KIFAP3: variants seen among roughly 807,000 people sequenced by gnomAD.
The protein encoded by KIFAP3 is kinesin associated protein 3, also known as kinesin-associated protein 3.
KIFAP3 carries 68 observed loss-of-function variants against 106.5 expected under a neutral mutation model. The ratio of observed to expected loss-of-function variants is 0.64; its 90% CI spans 0.53 to 0.78. The LOEUF (loss-of-function observed/expected upper bound fraction) is 0.78, where lower values mean the gene tolerates loss of function less well. Among genes scored for constraint, KIFAP3 ranks in the 30% least tolerant of loss-of-function variants. The probability of loss-of-function intolerance (pLI) is 0.00; values close to 1 mark genes in which losing one functional copy is unlikely to be tolerated. For synonymous variants in KIFAP3, 320 were observed against 311.5 expected (o/e 1.03, Z -0.29); for missense variants, 780 against 941.8 (o/e 0.83, Z 2.25).
chr1:169,980,323 A>G (rs1398394137), intron 15 of KIFAP3, among the ~76,000 whole-genome samples: 1 of 152,182 alleles, frequency 6.6e-6, no homozygotes, highest in African/African-American at 2.4e-5. Flanking sequence ...AACTGAGATG[A>G]GAGTATCTTC....
rs1443314303 is a variant in KIFAP3, at chr1:170,000,623, CAT to C, written c.1184-8370_1184-8369del. ...AAGCTATATCAGAACATCTTTGATA[CAT>C]GTTTCCATATAATTTTATGCTTAAC... On this transcript the variant is annotated intron_variant, in intron 10 of 19. Transcript: ENST00000361580. Among the ~76,000 whole-genome samples the C allele has an allele frequency of 2.6e-5, 4 of 152,200 alleles. No individual in the cohort carries two copies. In the East Asian group the frequency reaches 5.8e-4, roughly 22 times the overall value.
intron 1 of KIFAP3, among the ~76,000 whole-genome samples, chr1:170,055,941 A>G (rs1173615442): frequency 6.6e-6 from 1 of 152,080 alleles, no homozygotes; most frequent in Non-Finnish European, 1.5e-5. Flanking sequence ...AGACCAGCCC[A>G]GGTAACATAG....
chr1:170,047,899 G>C (rs1670344873), intron 2 of KIFAP3, among the ~76,000 whole-genome samples: 3 of 152,158 alleles, frequency 2.0e-5, no homozygotes, highest in Admixed American at 2.0e-4. Flanking sequence ...AGTCAACCTA[G>C]TGTCAAAAGA....
At chr1:169,956,317 A>G (rs969609158) in intron 18 of KIFAP3, among the ~76,000 whole-genome samples, 1 of 152,188 alleles carries the variant, frequency 6.6e-6, no homozygotes, top group Non-Finnish European at 1.5e-5. Flanking sequence ...ATAAAATATG[A>G]CATAGTGAAG....
chr1:170,015,971 T>C (rs770081989), intron 10 of KIFAP3, among the ~76,000 whole-genome samples: 26 of 152,092 alleles, frequency 1.7e-4, no homozygotes, highest in Non-Finnish European at 3.7e-4. Flanking sequence ...GGAGGATCAC[T>C]GGAGCCCAGG....
chr1:170,043,378 G>T (rs1670082584), intron 3 of KIFAP3, among the ~76,000 whole-genome samples: 1 of 152,072 alleles, frequency 6.6e-6, no homozygotes. Flanking sequence ...TAATGAACTG[G>T]ATAAAAGCCA....
chr1:170,032,539 T>C (rs2102045752), intron 7 of KIFAP3, among the ~76,000 whole-genome samples: 1 of 151,826 alleles, frequency 6.6e-6, no homozygotes, highest in Admixed American at 6.6e-5. Flanking sequence ...CATCTTCTGG[T>C]CCCAAATCGT....
In KIFAP3 at chr1:170,055,353, C is replaced by T; in HGVS notation, c.116G>A (p.Gly39Glu). Residue 39 changes from glycine (G) to glutamate (E), a missense_variant, in exon 2 of 20, where the codon GGA (glycine) becomes GAA (glutamate). Transcript: ENST00000361580. ...VHYEVEATIL[G>E]EMGDPMLGER... ...TCCCAACATGGGGTCCCCCATTTCTCCAAGAATGGTAGCTTCCACTTCATA... is the reference window on the plus strand; with the variant it reads ...TCCCAACATGGGGTCCCCCATTTCTTCAAGAATGGTAGCTTCCACTTCATA... The T allele has an allele frequency of 6.2e-7, 1 of 1,611,302 alleles. No individual in the cohort carries two copies. The highest frequency in any genetic ancestry group is 1.3e-5 in the African/African-American group (1 of 74,886).
chr1:170,047,389 G>A (rs1055797999), intron 2 of KIFAP3, among the ~76,000 whole-genome samples: 1 of 151,884 alleles, frequency 6.6e-6, no homozygotes, highest in African/African-American at 2.4e-5. Context: ...GGGAGGCCGA[G>A]GCAAGGGGGA....
At chr1:169,955,387 G>C (rs1056634401) in intron 18 of KIFAP3, among the ~76,000 whole-genome samples, 1 of 152,074 alleles carries the variant, frequency 6.6e-6, no homozygotes, top group Admixed American at 6.5e-5. Flanking sequence ...TATAATAAAT[G>C]ATATACAGAA....
intron 1 of KIFAP3, among the ~76,000 whole-genome samples, chr1:170,066,630 A>T (rs891608353): frequency 5.9e-5 from 9 of 152,182 alleles, no homozygotes; most frequent in African/African-American, 2.2e-4. Context: ...CTGAAAAGAG[A>T]GGGCTGAGAG....
chr1:169,946,807 T>C (rs1427506314), intron 19 of KIFAP3, among the ~76,000 whole-genome samples: 1 of 151,982 alleles, frequency 6.6e-6, no homozygotes, highest in Admixed American at 6.5e-5. Flanking sequence ...TCCTAAGGTA[T>C]TCCACCTTCT....
intron 5 of KIFAP3, among the ~76,000 whole-genome samples, chr1:170,036,619 G>A (rs916592219): frequency 2.6e-5 from 4 of 152,072 alleles, no homozygotes; most frequent in African/African-American, 9.7e-5. Flanking sequence ...AAATAATCTG[G>A]TGTAGCTTTG....
rs761630364 is a variant in KIFAP3 at position 170,016,608 on chromosome 1, A to G, written c.1037T>C (p.Val346Ala). 3 of 1,587,156 alleles carry G rather than the reference A, an allele frequency of 1.9e-6. No homozygotes were observed. In the Admixed American group the frequency reaches 5.6e-5, roughly 29 times the overall value. Residue 346 changes from valine to alanine, a missense_variant, in exon 10 of 20, where the codon GTT becomes GCT. By Grantham distance (64) the Val-to-Ala change is moderately conservative. This residue lies in a region of KIFAP3 where 588 missense variants were observed against 678.9 expected (regional missense o/e 0.87). Transcript: ENST00000361580. ...AGGTATCATTTTCACCAGTTTTTCAACAATATCCATTTCCACCTAAGTAAA... is the reference window on the plus strand; with the variant it reads ...AGGTATCATTTTCACCAGTTTTTCAGCAATATCCATTTCCACCTAAGTAAA... Reference protein sequence around the residue: ...NKNDMVEMDIVEKLVKMIPCE... With the variant: ...NKNDMVEMDIAEKLVKMIPCE...
At chr1:169,940,454 T>C (rs1169812529) in intron 19 of KIFAP3, among the ~76,000 whole-genome samples, 4 of 152,200 alleles carry the variant, frequency 2.6e-5, no homozygotes, top group Non-Finnish European at 5.9e-5. Context: ...ACTGGTTGTG[T>C]GGAAGAATTT....
intron 16 of KIFAP3, among the ~76,000 whole-genome samples, chr1:169,977,088 C>T (rs1312487948): frequency 7.2e-5 from 11 of 152,176 alleles, no homozygotes; most frequent in African/African-American, 2.7e-4. Context: ...TCCAACTAAA[C>T]TATAAACTCC....
Position 169,992,204 on chromosome 1 carries a change from A to C in KIFAP3, c.1235T>G (p.Met412Arg). Reference protein sequence around the residue: ...IAMCVLYHISMDDRFKSMFAY... With the variant: ...IAMCVLYHISRDDRFKSMFAY... ...AAACATTGATTTAAAGCGGTCATCCATGCTTATGTGGTAAAGAACACACAT... is the reference window on the plus strand; with the variant it reads ...AAACATTGATTTAAAGCGGTCATCCCTGCTTATGTGGTAAAGAACACACAT... Residue 412 changes from methionine to arginine, a missense_variant, in exon 11 of 20, where the codon ATG becomes AGG. By Grantham distance (91) the Met-to-Arg change is moderately conservative. Coordinates refer to ENST00000361580, the MANE Select transcript of KIFAP3 (RefSeq NM_014970.4). 1 of 1,587,472 alleles carries C rather than the reference A, an allele frequency of 6.3e-7. No individual in the cohort carries two copies. Among genetic ancestry groups the C allele is most frequent in the Non-Finnish European group, 8.6e-7 (1 of 1,168,040 alleles).
chr1:170,034,341 A>AGAC (rs1312880766), intron 7 of KIFAP3, 31 bp downstream of exon 7: 2 of 1,590,476 alleles, frequency 1.3e-6, no homozygotes, highest in Admixed American at 3.6e-5. Flanking sequence ...AAAAGACAAC[A>AGAC]GACGGTTCAA....
At chr1:169,989,603 A>G (rs80041700) in intron 11 of KIFAP3, among the ~76,000 whole-genome samples, 2,673 of 152,194 alleles carry the variant, frequency 0.018, 76 homozygotes, top group African/African-American at 0.059. Flanking sequence ...GAGTTTGATT[A>G]CACTTTGCAT....
Sources: gnomAD v4.1 joint callset for allele counts (sites outside exome capture counted in the v4.1 genomes callset) on GRCh38, gnomAD v4.1.1 for gene constraint, gnomAD v4.1.1 regional missense constraint, MANE v1.5 for transcripts, NCBI Gene and HGNC (gene_info 2026-07-23, HGNC 2026-07-21) for gene names.